Variants in ANO3 observed in about 807,000 individuals in gnomAD.
ANO3 encodes anoctamin-3.
A neutral mutation model predicts 144.8 loss-of-function variants in ANO3; 99 were observed. That is an observed-to-expected ratio of 0.68 (90% CI 0.58 to 0.81). ANO3 has a LOEUF of 0.81. ANO3 is among the 30% of genes least tolerant of loss of function. The pLI is 0.00. For synonymous variants in ANO3, 414 were observed against 392.6 expected, an observed-to-expected ratio of 1.05 and a Z score of -0.64; for missense variants, 905 against 1,202.2, an observed-to-expected ratio of 0.75 and a Z score of 3.66.
intron 1 of ANO3, among the ~76,000 whole-genome samples, chr11:26,243,054 T>C (rs977402895): frequency 2.0e-5 from 3 of 152,184 alleles, no homozygotes; most frequent in Non-Finnish European, 4.4e-5. Context: ...TAAGGAGCAG[T>C]AATCTCTTGC....
chr11:26,457,776 G>A (rs985113016), intron 3 of ANO3, among the ~76,000 whole-genome samples: 1 of 152,092 alleles, frequency 6.6e-6, no homozygotes, highest in Admixed American at 6.6e-5. Context: ...CTTTGAGACT[G>A]CATTTTTATG....
chr11:26,215,266 AT>A (rs1473726747), intron 1 of ANO3, among the ~76,000 whole-genome samples: 1 of 151,814 alleles, frequency 6.6e-6, no homozygotes, highest in Non-Finnish European at 1.5e-5. Context: ...AATTCTTCCT[AT>A]TTTTCCTCAT....
chr11:26,248,809 C>T (rs1359318043), intron 1 of ANO3, among the ~76,000 whole-genome samples: 3 of 152,130 alleles, frequency 2.0e-5, no homozygotes, highest in African/African-American at 7.2e-5. Context: ...GGATAGGAAC[C>T]ATACGCACAC....
At chr11:26,579,611 AT>A (rs1332088392) in intron 14 of ANO3, among the ~76,000 whole-genome samples, 1 of 152,180 alleles carries the variant, frequency 6.6e-6, no homozygotes, top group East Asian at 1.9e-4. Context: ...AAGGAACTCA[AT>A]TTTTGTGCTG....
At chr11:26,496,376 A>C (rs1201937216) in intron 4 of ANO3, among the ~76,000 whole-genome samples, 1 of 152,128 alleles carries the variant, frequency 6.6e-6, no homozygotes, top group Non-Finnish European at 1.5e-5. Flanking sequence ...GGACACAAAA[A>C]AGTGCTAATA....
chr11:26,206,598 C>T (rs750676347), intron 1 of ANO3, among the ~76,000 whole-genome samples: 34 of 152,090 alleles, frequency 2.2e-4, no homozygotes, highest in Non-Finnish European at 4.1e-4. Context: ...TGATACAAAG[C>T]TATTTCAGAA....
chr11:26,404,762 A>G (rs1376922077), intron 1 of ANO3, among the ~76,000 whole-genome samples: 1 of 151,776 alleles, frequency 6.6e-6, no homozygotes, highest in Non-Finnish European at 1.5e-5. Context: ...ATCTATGTGG[A>G]GAAATACAAT....
At chr11:26,591,028 A>G (rs554492618) in intron 14 of ANO3, among the ~76,000 whole-genome samples, 4 of 152,234 alleles carry the variant, frequency 2.6e-5, no homozygotes, top group South Asian at 2.1e-4. Context: ...TGATTTGACT[A>G]TTTCTTTACC....
intron 14 of ANO3, among the ~76,000 whole-genome samples, chr11:26,582,956 T>C (rs1262713879): frequency 6.6e-6 from 1 of 152,338 alleles, no homozygotes; most frequent in African/African-American, 2.4e-5. Flanking sequence ...TTTAAAAGAT[T>C]ATATTGCATT....
intron 1 of ANO3, among the ~76,000 whole-genome samples, chr11:26,423,124 G>A (rs1857802115): frequency 6.6e-6 from 1 of 151,684 alleles, no homozygotes; most frequent in African/African-American, 2.4e-5. Context: ...GTCTTCTCTG[G>A]ACTTTCTTAT....
intron 18 of ANO3, among the ~76,000 whole-genome samples, chr11:26,631,908 G>T (rs1852792951): frequency 6.6e-6 from 1 of 152,124 alleles, no homozygotes. Context: ...GACCGGGCAT[G>T]GTGGTTCACG....
chr11:26,532,547 A>G (rs964360097), intron 8 of ANO3, among the ~76,000 whole-genome samples: 1 of 152,156 alleles, frequency 6.6e-6, no homozygotes, highest in Non-Finnish European at 1.5e-5. Context: ...CTATGTGGGC[A>G]TAGATGCCAT....
upstream of ANO3, among the ~76,000 whole-genome samples, chr11:26,306,925 A>G (rs1380913032): frequency 6.6e-6 from 1 of 152,166 alleles, no homozygotes; most frequent in African/African-American, 2.4e-5. Flanking sequence ...TTCTATTTAC[A>G]ATGCCACAAC....
At chr11:26,465,606 A>G (rs1184638245) in intron 4 of ANO3, among the ~76,000 whole-genome samples, 2 of 151,904 alleles carry the variant, frequency 1.3e-5, no homozygotes. Context: ...CAAGCTTGCC[A>G]TCAGCCAAAC....
At chr11:26,626,782 G>GT (rs5790596) in intron 18 of ANO3, among the ~76,000 whole-genome samples, 195 of 150,628 alleles carry the variant, frequency 1.3e-3, no homozygotes, top group African/African-American at 3.1e-3. Context: ...ATATTCAATA[G>GT]TTTTTTTTTT....
At chr11:26,237,866 A>G (rs2133808366) in intron 1 of ANO3, among the ~76,000 whole-genome samples, 1 of 152,278 alleles carries the variant, frequency 6.6e-6, no homozygotes, top group East Asian at 1.9e-4. Context: ...TTACATAGAC[A>G]TTCTGCTATG....
chr11:26,358,773 C>A (rs1855851863), intron 1 of ANO3, among the ~76,000 whole-genome samples: 1 of 151,908 alleles, frequency 6.6e-6, no homozygotes, highest in Admixed American at 6.6e-5. Flanking sequence ...CACTCATGCT[C>A]TTTTTAAAAT....
chr11:26,613,395 C>T lies in ANO3; in HGVS notation c.1837-11067C>T, dbSNP rs543764250. On this transcript the variant is annotated intron_variant, in intron 17 of 26. Transcript: ENST00000256737. ...CTCATTCAGATCATTGGTTATTTTT[C>T]GGATTTCATTGAATCATTTGTCTGT... Among the ~76,000 whole-genome samples, 39 of 152,034 alleles carry T rather than the reference C, an allele frequency of 2.6e-4. No individual in the cohort carries two copies. The South Asian group carries it at 2.7e-3, about 11-fold the overall frequency.
At chr11:26,265,105 A>AT (rs1276525529) in intron 1 of ANO3, among the ~76,000 whole-genome samples, 1 of 151,964 alleles carries the variant, frequency 6.6e-6, no homozygotes, top group African/African-American at 2.4e-5. Context: ...CTAACCTGAC[A>AT]TTTTTTCTAC....
Sources: gnomAD v4.1 joint callset for allele counts (sites outside exome capture counted in the v4.1 genomes callset) on GRCh38, gnomAD v4.1.1 for gene constraint, MANE v1.5 for transcripts, NCBI Gene and HGNC (gene_info 2026-07-23, HGNC 2026-07-21) for gene names.